Variants in PNLDC1 observed in about 807,000 individuals in gnomAD.
The protein encoded by PNLDC1 is PARN like ribonuclease domain containing exonuclease 1, also known as poly(A)-specific ribonuclease PNLDC1.
A neutral mutation model predicts 82.0 loss-of-function variants in PNLDC1; 70 were observed. That is an observed-to-expected ratio of 0.85 (90% CI 0.70 to 1.04). The LOEUF (loss-of-function observed/expected upper bound fraction) is 1.04. PNLDC1 is among the 50% of genes least tolerant of loss of function. The probability of loss-of-function intolerance (pLI) is 0.00; values close to 1 mark genes in which losing one functional copy is unlikely to be tolerated. For missense variants in PNLDC1, 631 were observed against 661.1 expected, an observed-to-expected ratio of 0.95 and a Z score of 0.50; for synonymous variants, 280 against 249.3, an observed-to-expected ratio of 1.12 and a Z score of -1.16.
chr6:159,801,158 T>C lies in PNLDC1; in HGVS notation c.180T>C (p.Ser60=). ...PSEWYLKTRQ[S]VQQFTVCQIG... ...AGTGGTATCTAAAGACCCGTCAGAG[T>C]GTTCAGCAATTTACAGTCTGTCAGA... Residue 60 remains serine, a synonymous_variant, in exon 3 of 19, where the codon AGT becomes AGC. Coordinates refer to ENST00000392167, the MANE Select transcript of PNLDC1 (RefSeq NM_001271862.2). 6.2e-7 allele frequency: 1 copy of C among 1,614,076 alleles called. No homozygotes were observed. The highest frequency in any genetic ancestry group is 8.5e-7 in the Non-Finnish European group (1 of 1,180,000).
At position 159,819,054 on chromosome 6, in the gene PNLDC1, C is replaced by T; in HGVS notation, c.1366C>T (p.Leu456Phe). 1.2e-6 allele frequency: 2 copies of T among 1,613,954 alleles called. No individual in the cohort carries two copies. The highest frequency in any genetic ancestry group is 1.7e-6 in the Non-Finnish European group (2 of 1,179,920). The part of the protein sequence containing the change: ...EQQVYHKFQN[L>F]CKFDVRRLTR... Reference sequence around the variant, plus strand: ...GCAAGTCTACCATAAGTTTCAGAATCTCTGCAAGTTTGATGTCAGGCGACT... The same window carrying T: ...GCAAGTCTACCATAAGTTTCAGAATTTCTGCAAGTTTGATGTCAGGCGACT... The change falls in exon 17 of 19, where the codon CTC becomes TTC. Residue 456 changes from leucine to phenylalanine, a missense_variant. Leu to Phe is a conservative substitution (Grantham distance 22, BLOSUM62 0). Coordinates refer to ENST00000392167, the MANE Select transcript of PNLDC1 (RefSeq NM_001271862.2). The surrounding 1 kb of genome is among the most constrained non-coding windows in gnomAD (Gnocchi z 4.6).
At position 159,819,231 on chromosome 6, in the gene PNLDC1, C is replaced by T; in HGVS notation, c.1434-23C>T. On this transcript the variant is annotated intron_variant, in intron 17 of 18. Transcript: ENST00000392167. This position sits in a 1 kb window ranked among gnomAD's most constrained non-coding sequence, Gnocchi z 4.6. ...CGGCGCCATCCTGCTGCCTGGCTGA[C>T]CACAGCAAACTTGTTTTGGCAGTGC... 1 of 1,613,360 alleles carries T rather than the reference C, an allele frequency of 6.2e-7. No homozygotes were observed. Among genetic ancestry groups the T allele is most frequent in the Non-Finnish European group, 8.5e-7 (1 of 1,179,756 alleles).
At chr6:159,811,479 T>C (rs571474555) in intron 10 of PNLDC1, among the ~76,000 whole-genome samples, 5 of 152,356 alleles carry the variant, frequency 3.3e-5, no homozygotes, top group Middle Eastern at 3.4e-3. Flanking sequence ...GCATCCTGAA[T>C]TTAATAGAAA....
At chr6:159,814,380 C>G (rs1190407289) in intron 12 of PNLDC1, among the ~76,000 whole-genome samples, 1 of 152,154 alleles carries the variant, frequency 6.6e-6, no homozygotes, top group African/African-American at 2.4e-5. Context: ...CAACCGTGTT[C>G]CTGCTCATTC....
chr6:159,816,999 C>T (rs1023496710), intron 14 of PNLDC1, 110 bp from the exon 15 acceptor site: 8 of 1,149,556 alleles, frequency 7.0e-6, no homozygotes, highest in Non-Finnish European at 9.1e-6. Context: ...ATGCCCCTGC[C>T]GTCCCTAGAT....
At chr6:159,809,940 C>G in intron 9 of PNLDC1, 86 bp from the exon 10 acceptor site, 1 of 1,143,218 alleles carries the variant, frequency 8.7e-7, no homozygotes, top group South Asian at 1.3e-5. Flanking sequence ...GGTTCTAACA[C>G]TATATCTTTT....
At chr6:159,800,889 G>C in intron 2 of PNLDC1, 60 bp downstream of exon 2, 1 of 1,609,900 alleles carries the variant, frequency 6.2e-7, no homozygotes, top group Non-Finnish European at 8.5e-7. Flanking sequence ...ACTGTTTCTG[G>C]CCAGCAGCCT....
chr6:159,818,106 G>C (rs1781896695), intron 15 of PNLDC1, among the ~76,000 whole-genome samples: 1 of 152,178 alleles, frequency 6.6e-6, no homozygotes, highest in African/African-American at 2.4e-5. Context: ...GTGGCCCGTG[G>C]TTTTGCCGGG....
At position 159,814,635 on chromosome 6, in the gene PNLDC1, T is replaced by A. The variant is rs117556008; in HGVS notation, c.995+979T>A. Among the ~76,000 whole-genome samples, 5 of 152,316 alleles carry A rather than the reference T, an allele frequency of 3.3e-5. No homozygotes were observed. The East Asian group carries it at 9.6e-4, about 29-fold the overall frequency. ...CATGATACTGAGGGCTGTGTGTGCA[T>A]GAGAGGGCAAAGCGGGGAGAGAGCT... On this transcript the variant is annotated intron_variant, in intron 12 of 18. Coordinates refer to ENST00000392167, the MANE Select transcript of PNLDC1 (RefSeq NM_001271862.2).
intron 7 of PNLDC1, among the ~76,000 whole-genome samples, chr6:159,806,479 C>G (rs1287962223): frequency 6.6e-6 from 1 of 152,208 alleles, no homozygotes; most frequent in Non-Finnish European, 1.5e-5. Context: ...CCTAGAGTCT[C>G]TGGGACCCTT....
chr6:159,818,507 G>A (rs572432058), intron 15 of PNLDC1, 48 bp from the exon 16 acceptor site: 40 of 1,542,190 alleles, frequency 2.6e-5, no homozygotes, highest in Admixed American at 2.2e-4. Flanking sequence ...CGAGGAAGTG[G>A]ATGAACTTCT....
At chr6:159,815,295 G>T (rs1028664497) in intron 12 of PNLDC1, among the ~76,000 whole-genome samples, 5 of 152,114 alleles carry the variant, frequency 3.3e-5, no homozygotes, top group Non-Finnish European at 5.9e-5. Context: ...ACCCCACACC[G>T]CCCCTTGAGT....
intron 7 of PNLDC1, 125 bp from the exon 8 acceptor site, chr6:159,808,615 G>C: frequency 1.2e-6 from 1 of 840,018 alleles, no homozygotes; most frequent in Non-Finnish European, 1.9e-6. Context: ...ATGGGCTTGG[G>C]CACCCTTCAA....
chr6:159,810,089 C>T lies in PNLDC1; in HGVS notation c.847C>T (p.Leu283Phe). 1.2e-6 allele frequency: 2 copies of T among 1,613,828 alleles called. No homozygotes were observed. Among genetic ancestry groups the T allele is most frequent in the Non-Finnish European group, 1.7e-6 (2 of 1,179,686 alleles). ...LHLHEKFFRPLPESYDQFKQN... is the reference protein window; with the variant it reads ...LHLHEKFFRPFPESYDQFKQN... ...CCTCCATGAGAAGTTCTTCAGACCC[C>T]TCCCAGGTAGGGGCAAACCTGTCAT... The change falls in exon 10 of 19, where the codon CTC (leucine) becomes TTC (phenylalanine). Residue 283 changes from leucine to phenylalanine, a missense_variant. Coordinates refer to ENST00000392167, the MANE Select transcript of PNLDC1 (RefSeq NM_001271862.2).
rs1781979944 is a variant in PNLDC1, at chr6:159,819,925, A to G, written c.1533-529A>G. On this transcript the variant is annotated intron_variant, in intron 18 of 18. Coordinates refer to ENST00000392167, the MANE Select transcript of PNLDC1 (RefSeq NM_001271862.2). The surrounding 1 kb of genome is among the most constrained non-coding windows in gnomAD (Gnocchi z 4.6). Reference sequence around the variant, plus strand: ...AGGACGTGGGCTTCTCTCAGGAGAGAGGGAATCGCGGAAGTTACAGCAAGA... The same window carrying G: ...AGGACGTGGGCTTCTCTCAGGAGAGGGGGAATCGCGGAAGTTACAGCAAGA... 6.6e-6 allele frequency among the ~76,000 whole-genome samples: 1 copy of G among 151,920 alleles called. No individual in the cohort carries two copies. The highest frequency in any genetic ancestry group is 2.4e-5 in the African/African-American group (1 of 41,346).
intron 11 of PNLDC1, among the ~76,000 whole-genome samples, chr6:159,812,234 G>A (rs1319599013): frequency 6.6e-6 from 1 of 152,028 alleles, no homozygotes; most frequent in African/African-American, 2.4e-5. Context: ...TTCCTTGATT[G>A]CTTTTCTCTC....
rs543395805 is a variant in PNLDC1, at chr6:159,819,945, G to A, written c.1533-509G>A. Reference sequence around the variant, plus strand: ...GAGAGAGGGAATCGCGGAAGTTACAGCAAGAAGGTCTATAACCCGACTCAG... The same window carrying A: ...GAGAGAGGGAATCGCGGAAGTTACAACAAGAAGGTCTATAACCCGACTCAG... On this transcript the variant is annotated intron_variant, in intron 18 of 18. Transcript: ENST00000392167. The surrounding 1 kb of genome is among the most constrained non-coding windows in gnomAD (Gnocchi z 4.6). 9.2e-5 allele frequency among the ~76,000 whole-genome samples: 14 copies of A among 152,270 alleles called. No homozygotes were observed. The East Asian group carries it at 2.7e-3, about 29-fold the overall frequency.
chr6:159,808,914 C>T, intron 8 of PNLDC1, 98 bp downstream of exon 8: 1 of 1,584,742 alleles, frequency 6.3e-7, no homozygotes, highest in South Asian at 1.1e-5. Flanking sequence ...TTGCACGCTG[C>T]TAGTTTTTCC....
At position 159,804,612 on chromosome 6, in the gene PNLDC1, C is replaced by T. The variant is rs1161697095; in HGVS notation, c.436C>T (p.Leu146=). The change falls in exon 6 of 19, where the codon CTG becomes TTG. Residue 146 remains leucine (L), a synonymous_variant. Transcript: ENST00000392167. ...EQEKKIRHDI[L]TGNWRVRSSP... Reference sequence around the variant, plus strand: ...GGAGAAGAAAATTAGACACGATATCCTGACTGGGAACTGGAGAGTTCGCAG... The same window carrying T: ...GGAGAAGAAAATTAGACACGATATCTTGACTGGGAACTGGAGAGTTCGCAG... 1.9e-6 allele frequency: 3 copies of T among 1,610,670 alleles called. No individual in the cohort carries two copies. In the Admixed American group the frequency reaches 5.0e-5, roughly 27 times the overall value.
Sources: allele counts gnomAD v4.1 joint callset (sites outside exome capture counted in the v4.1 genomes callset), GRCh38; gene constraint gnomAD v4.1.1; non-coding constraint Gnocchi (gnomAD v3.1); transcripts MANE v1.5; gene names NCBI Gene and HGNC (gene_info 2026-07-23, HGNC 2026-07-21).